Variants in NTN1 observed in about 807,000 individuals in gnomAD.
NTN1 encodes netrin 1, also known as netrin-1.
Under a neutral mutation model 54.2 loss-of-function variants are expected in NTN1, and 11 were observed. The observed-to-expected ratio is 0.20, with a 90% CI of 0.13 to 0.34. The LOEUF (loss-of-function observed/expected upper bound fraction) is 0.34, where lower values mean the gene tolerates loss of function less well. Ranked by LOEUF, NTN1 falls within the 10% of genes least tolerant of loss-of-function variation. The pLI, the probability that NTN1 is intolerant of heterozygous loss-of-function variation, is 1.00. For missense variants in NTN1, 740 were observed against 893.1 expected (o/e 0.83, Z 2.18); for synonymous variants, 371 against 382.0 (o/e 0.97, Z 0.33).
intron 2 of NTN1, among the ~76,000 whole-genome samples, chr17:9,147,760 T>G (rs1234451458): frequency 3.3e-5 from 5 of 152,164 alleles, no homozygotes; most frequent in Non-Finnish European, 7.3e-5. Flanking sequence ...GAATCTGCCA[T>G]CCCCTGTCTT....
chr17:9,094,899 G>T (rs900141393), intron 2 of NTN1, among the ~76,000 whole-genome samples: 9 of 146,388 alleles, frequency 6.1e-5, no homozygotes, highest in Non-Finnish European at 8.9e-5. Context: ...TGAGGCAGGA[G>T]AATCGCTTGA....
intron 2 of NTN1, among the ~76,000 whole-genome samples, chr17:9,145,111 C>T (rs950167282): frequency 1.3e-5 from 2 of 152,208 alleles, no homozygotes; most frequent in African/African-American, 4.8e-5. Context: ...GGGAAATTTA[C>T]TGCACAATAA....
At chr17:9,227,936 C>T (rs1323389186) in intron 6 of NTN1, among the ~76,000 whole-genome samples, 2 of 152,112 alleles carry the variant, frequency 1.3e-5, no homozygotes, top group Non-Finnish European at 2.9e-5. Flanking sequence ...CATGCACACA[C>T]CATTACACAC....
intron 2 of NTN1, among the ~76,000 whole-genome samples, chr17:9,071,603 C>A (rs1164420064): frequency 6.6e-6 from 1 of 152,238 alleles, no homozygotes; most frequent in Non-Finnish European, 1.5e-5. Flanking sequence ...TCAGACCCAC[C>A]CCTGGGGCCA....
intron 2 of NTN1, among the ~76,000 whole-genome samples, chr17:9,110,928 G>A (rs1041486927): frequency 2.1e-5 from 3 of 139,922 alleles, no homozygotes; most frequent in Non-Finnish European, 4.6e-5. Context: ...TTAAATTCAG[G>A]ATCTTTTTTT....
chr17:9,098,257 TCA>T (rs768748294), intron 2 of NTN1, among the ~76,000 whole-genome samples: 8 of 152,232 alleles, frequency 5.3e-5, no homozygotes, highest in Non-Finnish European at 1.0e-4. Context: ...CTATTTATTC[TCA>T]GTTTCCTTAT....
intron 2 of NTN1, among the ~76,000 whole-genome samples, chr17:9,141,322 G>C (rs900927100): frequency 3.3e-5 from 5 of 152,088 alleles, no homozygotes. Context: ...AGCATGAAAG[G>C]GAGGCAGCCC....
chr17:9,113,149 G>A (rs1015831080), intron 2 of NTN1, among the ~76,000 whole-genome samples: 9 of 150,510 alleles, frequency 6.0e-5, no homozygotes, highest in Admixed American at 5.3e-4. Flanking sequence ...TCAGCCTCCC[G>A]AGTAGCTGGG....
Position 9,054,842 on chromosome 17 carries a change from G to A in NTN1, c.1018+31451G>A, listed in dbSNP as rs547618363. 5.9e-5 allele frequency among the ~76,000 whole-genome samples: 9 copies of A among 152,230 alleles called. No individual in the cohort carries two copies. The East Asian group carries it at 9.6e-4, about 16-fold the overall frequency. ...GCTTTGGGATGCTAATGGCCCTTTAGGAATGCTAAATGGAGCATTTCTGTC... is the reference window on the plus strand; with the variant it reads ...GCTTTGGGATGCTAATGGCCCTTTAAGAATGCTAAATGGAGCATTTCTGTC... On this transcript the variant is annotated intron_variant, in intron 2 of 6. Transcript: ENST00000173229.
chr17:9,118,717 C>T (rs954074466), intron 2 of NTN1, among the ~76,000 whole-genome samples: 4 of 152,156 alleles, frequency 2.6e-5, no homozygotes, highest in African/African-American at 9.7e-5. Context: ...CTATTTTAGG[C>T]ATTTCATAGA....
intron 2 of NTN1, among the ~76,000 whole-genome samples, chr17:9,153,737 G>A (rs187609011): frequency 6.6e-6 from 1 of 152,328 alleles, no homozygotes; most frequent in East Asian, 1.9e-4. Context: ...GCAACGAACG[G>A]GCAGTCAGGT....
chr17:9,104,928 C>T (rs962371154), intron 2 of NTN1, among the ~76,000 whole-genome samples: 1 of 152,178 alleles, frequency 6.6e-6, no homozygotes, highest in Non-Finnish European at 1.5e-5. Flanking sequence ...TCAACACTTA[C>T]GAGGTGTTCC....
chr17:9,088,131 C>T (rs1293050358), intron 2 of NTN1, among the ~76,000 whole-genome samples: 1 of 152,220 alleles, frequency 6.6e-6, no homozygotes, highest in Non-Finnish European at 1.5e-5. Context: ...ATTGCTGGTG[C>T]ACGAGCCACC....
chr17:9,113,477 A>G (rs935062950), intron 2 of NTN1, among the ~76,000 whole-genome samples: 1 of 152,168 alleles, frequency 6.6e-6, no homozygotes, highest in African/African-American at 2.4e-5. Context: ...TGGCAGCTTG[A>G]TAGAATGTGA....
At chr17:9,121,249 A>T (rs559818381) in intron 2 of NTN1, among the ~76,000 whole-genome samples, 1 of 152,274 alleles carries the variant, frequency 6.6e-6, no homozygotes, top group African/African-American at 2.4e-5. Flanking sequence ...GGCCGTGTAC[A>T]TTCAGGTTCA....
rs111667808 is a variant in NTN1, at chr17:9,105,025, C to G, written c.1019-57788C>G. 3.2e-3 allele frequency among the ~76,000 whole-genome samples: 487 copies of G among 152,284 alleles called. 6 individuals are homozygous for G. The highest frequency in any genetic ancestry group is 0.011 in the African/African-American group (454 of 41,566). On this transcript the variant is annotated intron_variant, in intron 2 of 6. Coordinates refer to ENST00000173229, the MANE Select transcript of NTN1 (RefSeq NM_004822.3). The stretch of plus-strand genomic sequence containing the variant: ...CCATGGCTGGGTCTCACCGTGGGAG[C>G]AGGCTGCTGGCCATGTGGGGCCCGT...
chr17:9,223,848 C>T (rs1905447205), intron 6 of NTN1, among the ~76,000 whole-genome samples: 1 of 152,204 alleles, frequency 6.6e-6, no homozygotes, highest in Non-Finnish European at 1.5e-5. Context: ...CTCCTCTCCC[C>T]ATCCTTCCCT....
chr17:9,089,988 C>T (rs1176516145), intron 2 of NTN1, among the ~76,000 whole-genome samples: 4 of 152,020 alleles, frequency 2.6e-5, no homozygotes, highest in Non-Finnish European at 5.9e-5. Flanking sequence ...CTGAAGCCCA[C>T]AGCCTGTCTA....
At chr17:9,022,172 TG>T in intron 1 of NTN1, 138 bp from the exon 2 acceptor site, 1 of 531,896 alleles carries the variant, frequency 1.9e-6, no homozygotes, top group Non-Finnish European at 2.8e-6. Flanking sequence ...CGCGGGACTT[TG>T]GGGGAGAGAG....
Sources: allele counts gnomAD v4.1 joint callset (sites outside exome capture counted in the v4.1 genomes callset), GRCh38; gene constraint gnomAD v4.1.1; transcripts MANE v1.5; gene names NCBI Gene and HGNC (gene_info 2026-07-23, HGNC 2026-07-21).